CALN1: variants seen among roughly 807,000 people sequenced by gnomAD.
The protein encoded by CALN1 is calneuron 1.
In CALN1, 17 loss-of-function variants were observed where a neutral mutation model predicts 30.6. That is an observed-to-expected ratio of 0.56 (90% CI 0.38 to 0.83). The LOEUF (loss-of-function observed/expected upper bound fraction) is 0.83, where lower values mean the gene tolerates loss of function less well. Among genes scored for constraint, CALN1 ranks in the 40% least tolerant of loss-of-function variants. CALN1 has a pLI of 0.00. For missense variants in CALN1, 291 were observed against 354.9 expected (o/e 0.82, Z 1.45); for synonymous variants, 156 against 131.4 (o/e 1.19, Z -1.28).
chr7:71,979,322 C>T (rs1367171271), intron 5 of CALN1, among the ~76,000 whole-genome samples: 1 of 152,116 alleles, frequency 6.6e-6, no homozygotes, highest in Admixed American at 6.5e-5. Context: ...AACAATTATA[C>T]ATCTCATCAT....
chr7:71,826,791 T>G (rs2116371572), intron 5 of CALN1, among the ~76,000 whole-genome samples: 1 of 152,338 alleles, frequency 6.6e-6, no homozygotes, highest in South Asian at 2.1e-4. Flanking sequence ...ATCCCCAGTC[T>G]CAGCCTCCTG....
intron 2 of CALN1, among the ~76,000 whole-genome samples, chr7:72,397,714 T>TCACA (rs3138810): frequency 0.055 from 7,859 of 142,790 alleles, 279 homozygotes; most frequent in East Asian, 0.14. Flanking sequence ...CCATTCTCTC[T>TCACA]CACACACACA....
At chr7:71,852,047 G>T (rs1322974742) in intron 5 of CALN1, among the ~76,000 whole-genome samples, 1 of 152,144 alleles carries the variant, frequency 6.6e-6, no homozygotes, top group Admixed American at 6.5e-5. Context: ...CTGCAAGAAG[G>T]CAGAATCCTC....
At chr7:72,369,404 T>C (rs868305048) in intron 2 of CALN1, among the ~76,000 whole-genome samples, 52 of 150,994 alleles carry the variant, frequency 3.4e-4, no homozygotes, top group African/African-American at 1.2e-3. Flanking sequence ...ACTCTTGTTG[T>C]CCAGGCTGGA....
intron 3 of CALN1, among the ~76,000 whole-genome samples, chr7:72,163,384 T>C (rs1051044435): frequency 4.5e-5 from 4 of 89,510 alleles, no homozygotes; most frequent in African/African-American, 1.8e-4. Context: ...AAAAAACTTA[T>C]TGGAGATTAA....
chr7:72,410,440 T>C (rs970653606), intron 1 of CALN1, among the ~76,000 whole-genome samples: 6 of 152,252 alleles, frequency 3.9e-5, no homozygotes, highest in African/African-American at 1.2e-4. Flanking sequence ...TTCTACATGA[T>C]GTAAAATCAA....
intron 3 of CALN1, among the ~76,000 whole-genome samples, chr7:72,106,949 AAAAG>A (rs923900869): frequency 1.3e-4 from 19 of 151,862 alleles, no homozygotes; most frequent in African/African-American, 4.6e-4. Context: ...GAAAAAAAGA[AAAAG>A]AAATGAAGAA....
chr7:72,077,968 G>A (rs1804863188), intron 4 of CALN1, among the ~76,000 whole-genome samples: 1 of 152,172 alleles, frequency 6.6e-6, no homozygotes, highest in Admixed American at 6.6e-5. Flanking sequence ...GGAGCACAAG[G>A]CTTCTAGACA....
chr7:71,932,883 T>TA (rs1365695149), intron 5 of CALN1, among the ~76,000 whole-genome samples: 1 of 151,804 alleles, frequency 6.6e-6, no homozygotes, highest in Non-Finnish European at 1.5e-5. Context: ...TTTATTCTGA[T>TA]ACGCTTCTCC....
At chr7:72,262,748 T>TG (rs752677095) in intron 3 of CALN1, among the ~76,000 whole-genome samples, 3 of 152,194 alleles carry the variant, frequency 2.0e-5, no homozygotes, top group Non-Finnish European at 4.4e-5. Context: ...AAGAGGATCC[T>TG]GGTTCTATCC....
chr7:71,971,930 CAAAAAAAAAAAA>C (rs764756514), intron 5 of CALN1, among the ~76,000 whole-genome samples: 1 of 38,562 alleles, frequency 2.6e-5, no homozygotes, highest in Non-Finnish European at 4.9e-5. Flanking sequence ...GACCCTGTCT[CAAAAAAAAAAAA>C]AAAAAAAAAA....
chr7:72,063,635 T>C (rs1803816250), intron 4 of CALN1, among the ~76,000 whole-genome samples: 1 of 152,192 alleles, frequency 6.6e-6, no homozygotes, highest in African/African-American at 2.4e-5. Context: ...AAGCAAAACT[T>C]GGATAGTATA....
chr7:72,460,416 G>A, the CALN1 span, among the ~76,000 whole-genome samples: 1 of 152,118 alleles, frequency 6.6e-6, no homozygotes, highest in Admixed American at 6.6e-5. Context: ...TGGATAACCT[G>A]AGGTCAGGAG....
intron 5 of CALN1, among the ~76,000 whole-genome samples, chr7:71,900,190 G>C (rs542016023): frequency 1.1e-4 from 17 of 152,130 alleles, no homozygotes; most frequent in Admixed American, 7.2e-4. Flanking sequence ...AATAAGAAAA[G>C]CAGTTAAGGT....
At chr7:72,321,014 A>C (rs1800841713) in intron 2 of CALN1, among the ~76,000 whole-genome samples, 1 of 152,066 alleles carries the variant, frequency 6.6e-6, no homozygotes, top group Non-Finnish European at 1.5e-5. Context: ...GAAAAGATTA[A>C]ATGAATTAAC....
At chr7:71,998,104 C>T (rs1799342939) in intron 5 of CALN1, among the ~76,000 whole-genome samples, 1 of 152,014 alleles carries the variant, frequency 6.6e-6, no homozygotes, top group Non-Finnish European at 1.5e-5. Flanking sequence ...GGATTATAGT[C>T]GTCAGCCATG....
chr7:71,958,658 G>A (rs1053077813), intron 5 of CALN1, among the ~76,000 whole-genome samples: 4 of 152,204 alleles, frequency 2.6e-5, no homozygotes, highest in African/African-American at 9.6e-5. Flanking sequence ...TCCTATGTTT[G>A]CGATCTCCAA....
intron 5 of CALN1, among the ~76,000 whole-genome samples, chr7:71,818,219 G>A (rs1452488178): frequency 6.6e-6 from 1 of 152,014 alleles, no homozygotes; most frequent in African/African-American, 2.4e-5. Context: ...GGGGCTTTCT[G>A]GAGAACATGC....
rs61083921 is a variant in CALN1 at position 71,971,953 on chromosome 7, AAAAGAAAGAAAGAAAG to A, written c.501+51688_501+51703del. Among the ~76,000 whole-genome samples the A allele has an allele frequency of 4.2e-3, 307 of 72,804 alleles. 2 individuals are homozygous for A. Among genetic ancestry groups the A allele is most frequent in the Non-Finnish European group, 5.1e-3 (226 of 44,680 alleles). The allele number at this position is 72,804 out of a possible 152,430, so 47.8% of individuals were successfully genotyped here. On this transcript the variant is annotated intron_variant, in intron 5 of 6. Transcript: ENST00000395275. ...CTCAAAAAAAAAAAAAAAAAAAAAA[AAAAGAAAGAAAGAAAG>A]AAAGAAAGAAAGAAAGAAAGAAAGA...
Sources: gnomAD v4.1 joint callset for allele counts (sites outside exome capture counted in the v4.1 genomes callset) on GRCh38, gnomAD v4.1.1 for gene constraint, MANE v1.5 for transcripts, NCBI Gene and HGNC (gene_info 2026-07-23, HGNC 2026-07-21) for gene names.